Variants in PWWP2A observed in about 807,000 individuals in gnomAD.
The protein encoded by PWWP2A is PWWP domain containing 2A.
In PWWP2A, 18 loss-of-function variants were observed where a neutral mutation model predicts 48.5. That is an observed-to-expected ratio of 0.37 (90% CI 0.26 to 0.55). PWWP2A has a LOEUF of 0.55. Among genes scored for constraint, PWWP2A ranks in the 20% least tolerant of loss-of-function variants. The pLI, the probability that PWWP2A is intolerant of heterozygous loss-of-function variation, is 0.81. For synonymous variants in PWWP2A, 396 were observed against 387.7 expected (o/e 1.02, Z -0.25); for missense variants, 867 against 976.4 (o/e 0.89, Z 1.49).
chr5:160,087,150 G>A (rs551479158), downstream of PWWP2A, among the ~76,000 whole-genome samples: 15 of 152,246 alleles, frequency 9.9e-5, no homozygotes, highest in South Asian at 2.5e-3. Context: ...GGGCCAAGAC[G>A]AGAGGATCAC....
chr5:160,101,272 C>T (rs1442218821), intron 1 of PWWP2A, among the ~76,000 whole-genome samples: 1 of 152,114 alleles, frequency 6.6e-6, no homozygotes, highest in East Asian at 1.9e-4. Context: ...ATTGTGTGAA[C>T]CCAGGAGGCA....
At chr5:160,048,407 G>A in the PWWP2A span, among the ~76,000 whole-genome samples, 3 of 151,954 alleles carry the variant, frequency 2.0e-5, no homozygotes, top group Admixed American at 6.6e-5. Context: ...TGCCTGCCTC[G>A]GCCTCCCAAA....
At chr5:160,045,522 T>TACA in the PWWP2A span, among the ~76,000 whole-genome samples, 4 of 66,736 alleles carry the variant, frequency 6.0e-5, no homozygotes, top group Non-Finnish European at 1.2e-4. Context: ...ACATACACAC[T>TACA]CTCTCTCTCT....
At position 160,091,912 on chromosome 5, in the gene PWWP2A, G is replaced by A; in HGVS notation, c.*470C>T. 1 of 983,606 alleles carries A rather than the reference G, an allele frequency of 1.0e-6. No individual in the cohort carries two copies. The highest frequency in any genetic ancestry group is 1.8e-5 in the African/African-American group (1 of 56,920). 60.9% of individuals were successfully genotyped at this position (983,606 alleles called of 1,614,324 possible). A position where few individuals can be genotyped will look rare whatever the true frequency, so the allele number is the denominator to read the frequency against. On this transcript the variant is annotated 3_prime_UTR_variant, in exon 2 of 2. Coordinates refer to ENST00000307063, the MANE Select transcript of PWWP2A (RefSeq NM_001130864.2). ...TCCCCCAGCTCACCAAGCCCTTATTGCAATCCCAAATATGCAATCTGTGTC... is the reference window on the plus strand; with the variant it reads ...TCCCCCAGCTCACCAAGCCCTTATTACAATCCCAAATATGCAATCTGTGTC...
At position 160,061,958 on chromosome 5, in the gene PWWP2A, CA is replaced by C. The variant is rs1477038362; in HGVS notation, c.*503del. On this transcript the variant is annotated 3_prime_UTR_variant and NMD_transcript_variant, in exon 6 of 6. Coordinates refer to the PWWP2A transcript ENST00000524050. ...GAGTGTGGTGCTGAGAAAGTTTCAG[CA>C]AAGCCATTGGGGAGCCAGTGCTGCC... 4 of 152,386 alleles carry C rather than the reference CA, an allele frequency of 2.6e-5. No homozygotes were observed. The East Asian group carries it at 7.7e-4, about 29-fold the overall frequency. 9.4% of individuals were successfully genotyped at this position (152,386 alleles called of 1,614,324 possible). A position where few individuals can be genotyped will look rare whatever the true frequency, so the allele number is the denominator to read the frequency against.
At position 160,092,703 on chromosome 5, in the gene PWWP2A, A is replaced by G; in HGVS notation, c.1947T>C (p.Asp649=). Residue 649 remains aspartate, a synonymous_variant, in exon 2 of 2, where the codon GAT becomes GAC. Coordinates refer to ENST00000307063, the MANE Select transcript of PWWP2A (RefSeq NM_001130864.2). ...TGTCCCCTACACATATGGTCCTGCC[A>G]TCTGGTGTGACGCATTTAGAGACGT... is the stretch of plus-strand genomic sequence containing the variant. The part of the protein sequence containing the change: ...SKNVSKCVTP[D]GRTICVGDIV... 6.4e-7 allele frequency: 1 copy of G among 1,551,700 alleles called. No individual in the cohort carries two copies. Among genetic ancestry groups the G allele is most frequent in the Non-Finnish European group, 8.7e-7 (1 of 1,146,994 alleles).
intron 1 of PWWP2A, among the ~76,000 whole-genome samples, chr5:160,101,650 T>C (rs1204887366): frequency 1.0e-5 from 1 of 99,700 alleles, no homozygotes; most frequent in African/African-American, 3.7e-5. Flanking sequence ...TAAAATACAT[T>C]TTGTTATTTT....
At chr5:160,097,710 G>T (rs1156931304) in intron 1 of PWWP2A, among the ~76,000 whole-genome samples, 1 of 146,760 alleles carries the variant, frequency 6.8e-6, no homozygotes, top group African/African-American at 2.5e-5. Context: ...TTTTTTTGGG[G>T]GGGGGGGCGG....
chr5:160,068,743 C>T (rs1426385420), intron 2 of PWWP2A, among the ~76,000 whole-genome samples: 1 of 152,170 alleles, frequency 6.6e-6, no homozygotes, highest in Non-Finnish European at 1.5e-5. Context: ...TTAATAGCAC[C>T]AGCAGCTACC....
At chr5:160,089,041 T>C (rs1318021694), downstream of PWWP2A, among the ~76,000 whole-genome samples, 2 of 152,190 alleles carry the variant, frequency 1.3e-5, no homozygotes, top group African/African-American at 4.8e-5. Flanking sequence ...TCCAGTCTGT[T>C]TTCACATCAA....
intron 1 of PWWP2A, among the ~76,000 whole-genome samples, chr5:160,116,512 T>G (rs951487801): frequency 1.1e-4 from 16 of 152,116 alleles, no homozygotes; most frequent in African/African-American, 3.9e-4. Context: ...CTTCAGAATA[T>G]TCAAATGGAA....
chr5:160,054,754 G>A, the PWWP2A span, among the ~76,000 whole-genome samples: 26 of 152,212 alleles, frequency 1.7e-4, 1 homozygote, highest in Middle Eastern at 0.051. Flanking sequence ...AAGATTTGAA[G>A]TCAGGTTTCA....
intron 2 of PWWP2A, among the ~76,000 whole-genome samples, chr5:160,081,931 A>G (rs1429425128): frequency 6.6e-6 from 1 of 152,250 alleles, no homozygotes; most frequent in Non-Finnish European, 1.5e-5. Context: ...GCAGTATATA[A>G]TGAAAACCTA....
chr5:160,072,018 C>G (rs762505526), downstream of PWWP2A, among the ~76,000 whole-genome samples: 1 of 152,302 alleles, frequency 6.6e-6, no homozygotes, highest in Non-Finnish European at 1.5e-5. Flanking sequence ...TTCTTGCCAG[C>G]CTGCTTCCTC....
intron 1 of PWWP2A, chr5:160,105,642 A>G (rs984508833): frequency 1.0e-5 from 10 of 967,992 alleles, no homozygotes; most frequent in South Asian, 9.6e-5. Context: ...CTAAAAGACT[A>G]TAACAATTTC....
At chr5:160,095,686 C>CTTTTTTTTTTTTTTTTTTTTTTTATT (rs1755571444) in intron 1 of PWWP2A, among the ~76,000 whole-genome samples, 1 of 100,312 alleles carries the variant, frequency 1.0e-5, no homozygotes. Context: ...CCGAAATGTT[C>CTTTTTTTTTTTTTTTTTTTTTTTATT]TTTTTTTTTT....
chr5:160,112,148 A>G (rs13169591), intron 1 of PWWP2A, among the ~76,000 whole-genome samples: 2 of 142,432 alleles, frequency 1.4e-5, no homozygotes, highest in African/African-American at 2.6e-5. Context: ...AAAAAAAAGG[A>G]AAAAAAGAAA....
intron 2 of PWWP2A, among the ~76,000 whole-genome samples, chr5:160,083,629 T>C (rs1181058194): frequency 6.6e-6 from 1 of 152,208 alleles, no homozygotes; most frequent in African/African-American, 2.4e-5. Context: ...GGACCTCCAC[T>C]GCATTGGGCC....
intron 1 of PWWP2A, among the ~76,000 whole-genome samples, chr5:160,112,928 A>C (rs113773330): frequency 0.013 from 1,946 of 152,218 alleles, 47 homozygotes; most frequent in African/African-American, 0.045. Flanking sequence ...GAGGCCGAGG[A>C]GGAGGATTAC....
Sources: gnomAD v4.1 joint callset for allele counts (sites outside exome capture counted in the v4.1 genomes callset) on GRCh38, gnomAD v4.1.1 for gene constraint, MANE v1.5 for transcripts, NCBI Gene and HGNC (gene_info 2026-07-23, HGNC 2026-07-21) for gene names.